The following GPM6A variants were observed in gnomAD, a reference collection of about 807,000 sequenced individuals.
The protein encoded by GPM6A is glycoprotein M6A.
In GPM6A, 7 loss-of-function variants were observed where a neutral mutation model predicts 32.1. The ratio of observed to expected loss-of-function variants is 0.22; its 90% CI spans 0.12 to 0.41. GPM6A has a LOEUF of 0.41. GPM6A is among the 10% of genes least tolerant of loss of function. The pLI, the probability that GPM6A is intolerant of heterozygous loss-of-function variation, is 1.00. For synonymous variants in GPM6A, 130 were observed against 123.4 expected (o/e 1.05, Z -0.35); for missense variants, 235 against 347.2 (o/e 0.68, Z 2.57).
intron 1 of GPM6A, 29 bp from the exon 2 acceptor site, chr4:175,701,796 A>T: frequency 6.6e-7 from 1 of 1,512,994 alleles, no homozygotes; most frequent in East Asian, 2.3e-5. Flanking sequence ...GGAGAAATTC[A>T]TATTTTTGTT....
At chr4:175,704,836 A>T (rs1174226461) in intron 1 of GPM6A, among the ~76,000 whole-genome samples, 1 of 152,200 alleles carries the variant, frequency 6.6e-6, no homozygotes, top group African/African-American at 2.4e-5. Flanking sequence ...TCAAACACTG[A>T]ATGCATAGGT....
At chr4:175,684,801 T>A (rs1278256864) in intron 2 of GPM6A, among the ~76,000 whole-genome samples, 1 of 152,220 alleles carries the variant, frequency 6.6e-6, no homozygotes, top group Non-Finnish European at 1.5e-5. Flanking sequence ...TAATATCTTG[T>A]AAGATTAGAT....
chr4:175,962,249 T>A (rs1033957165), intron 1 of GPM6A: 10 of 1,359,392 alleles, frequency 7.4e-6, no homozygotes, highest in Middle Eastern at 2.1e-4. Flanking sequence ...ACCTCCTATA[T>A]GTCATTGAAA....
At chr4:175,754,059 C>G (rs1038164701) in intron 1 of GPM6A, among the ~76,000 whole-genome samples, 3 of 152,088 alleles carry the variant, frequency 2.0e-5, no homozygotes, top group Non-Finnish European at 4.4e-5. Context: ...TCCTAATTCA[C>G]CTATTAAAAG....
At chr4:175,838,112 GACACACAC>G (rs10548625) in intron 1 of GPM6A, among the ~76,000 whole-genome samples, 29 of 141,974 alleles carry the variant, frequency 2.0e-4, no homozygotes, top group South Asian at 4.6e-4. Context: ...CACACACACA[GACACACAC>G]ACACACACAC....
rs565845270 is a variant in GPM6A, at chr4:175,971,026, A to T, written c.-23+31283T>A. On this transcript the variant is annotated intron_variant, in intron 1 of 7. Transcript: ENST00000280187. ...AAAGTTGCAAATACAATACAGCCTC[A>T]GTTAGGAAAGTAAAGGATACAGACC... 1.1e-5 allele frequency: 4 copies of T among 364,192 alleles called. No individual in the cohort carries two copies. The East Asian group carries it at 3.6e-4, about 33-fold the overall frequency. 22.6% of individuals were successfully genotyped at this position (364,192 alleles called of 1,614,324 possible).
intron 1 of GPM6A, among the ~76,000 whole-genome samples, chr4:175,898,979 T>C (rs983365418): frequency 2.0e-5 from 3 of 152,200 alleles, no homozygotes; most frequent in African/African-American, 7.2e-5. Flanking sequence ...CAAGTTTCCA[T>C]GCTCATGGAA....
chr4:175,871,912 T>C (rs1736922534), intron 1 of GPM6A, among the ~76,000 whole-genome samples: 1 of 152,198 alleles, frequency 6.6e-6, no homozygotes, highest in Non-Finnish European at 1.5e-5. Flanking sequence ...ATCATTTTAT[T>C]ACTAAAGCTC....
At chr4:175,749,654 G>T (rs1732243470) in intron 1 of GPM6A, among the ~76,000 whole-genome samples, 6 of 151,978 alleles carry the variant, frequency 3.9e-5, no homozygotes. Flanking sequence ...TTTATATCTT[G>T]ACCCCCATAA....
intron 1 of GPM6A, among the ~76,000 whole-genome samples, chr4:175,826,753 T>A (rs1413707321): frequency 6.6e-6 from 1 of 152,138 alleles, no homozygotes; most frequent in Non-Finnish European, 1.5e-5. Context: ...AAACTCATGT[T>A]ACAACCAGCA....
At chr4:175,846,959 T>A (rs180833208) in intron 1 of GPM6A, among the ~76,000 whole-genome samples, 11 of 152,170 alleles carry the variant, frequency 7.2e-5, no homozygotes, top group Admixed American at 2.0e-4. Context: ...AAATAAGAAT[T>A]TTGGAATATT....
chr4:175,637,303 A>G (rs866928079), intron 6 of GPM6A, among the ~76,000 whole-genome samples: 20 of 36,136 alleles, frequency 5.5e-4, no homozygotes, highest in South Asian at 2.4e-3. Flanking sequence ...TATATTATAT[A>G]TTATATATAA....
intron 1 of GPM6A, among the ~76,000 whole-genome samples, chr4:175,887,689 TA>T (rs1313361026): frequency 1.3e-5 from 2 of 151,518 alleles, no homozygotes; most frequent in Non-Finnish European, 3.0e-5. Context: ...TTAGACACAA[TA>T]AAAATATAAC....
intron 4 of GPM6A, among the ~76,000 whole-genome samples, chr4:175,647,070 A>G (rs1173744124): frequency 1.3e-5 from 2 of 152,214 alleles, no homozygotes; most frequent in Non-Finnish European, 2.9e-5. Context: ...TGAGCAAATA[A>G]ATGAAATGAA....
intron 4 of GPM6A, among the ~76,000 whole-genome samples, chr4:175,644,548 CAT>C (rs1741344904): frequency 6.6e-6 from 1 of 151,734 alleles, no homozygotes; most frequent in African/African-American, 2.4e-5. Context: ...TAAAAATCAA[CAT>C]GTGAATAATA....
chr4:175,987,089 C>T lies in GPM6A; in HGVS notation c.-23+15220G>A, dbSNP rs9990818. On this transcript the variant is annotated intron_variant, in intron 1 of 7. Transcript: ENST00000280187. The stretch of plus-strand genomic sequence containing the variant: ...CCCATATACACCATATAAAGTTCCA[C>T]CTCAACATCTGTTATGCCATATAAT... Among the ~76,000 whole-genome samples, 1,170 of 152,292 alleles carry T rather than the reference C, an allele frequency of 7.7e-3. 22 individuals carry two copies. Among genetic ancestry groups the T allele is most frequent in the African/African-American group, 0.027 (1,120 of 41,558 alleles).
At chr4:175,644,123 T>TG (rs1325210609) in intron 4 of GPM6A, among the ~76,000 whole-genome samples, 2 of 141,820 alleles carry the variant, frequency 1.4e-5, no homozygotes, top group African/African-American at 5.5e-5. Context: ...TTCCGTTTGT[T>TG]TTTTTTTTTT....
chr4:175,753,850 G>A lies in GPM6A; in HGVS notation c.38-52083C>T, dbSNP rs141987282. On this transcript the variant is annotated intron_variant, in intron 1 of 6. Transcript: ENST00000393658. ...TGTTAATGTCCAACAATTTGATCATGGTGTGCCTTCTCCATCAAGCATCAG... is the reference window on the plus strand; with the variant it reads ...TGTTAATGTCCAACAATTTGATCATAGTGTGCCTTCTCCATCAAGCATCAG... Among the ~76,000 whole-genome samples the A allele has an allele frequency of 2.3e-3, 353 of 152,102 alleles. 2 individuals are homozygous for A. The highest frequency in any genetic ancestry group is 8.0e-3 in the African/African-American group (333 of 41,500).
rs746033640 is a variant in GPM6A at position 175,741,903 on chromosome 4, T to G, written c.38-40136A>C. Among the ~76,000 whole-genome samples the G allele has an allele frequency of 6.6e-5, 10 of 152,212 alleles. No individual in the cohort carries two copies. In the South Asian group the frequency reaches 8.3e-4, roughly 13 times the overall value. On this transcript the variant is annotated intron_variant, in intron 1 of 6. Transcript: ENST00000393658. ...CCTTGAAAATGTTTTGGTAAATTAA[T>G]GACAGATCTTGCAATCAAGGGTAAC... is the stretch of plus-strand genomic sequence containing the variant.
Sources: allele counts gnomAD v4.1 joint callset (sites outside exome capture counted in the v4.1 genomes callset), GRCh38; gene constraint gnomAD v4.1.1; transcripts MANE v1.5; gene names NCBI Gene and HGNC (gene_info 2026-07-23, HGNC 2026-07-21).